The following NRDC variants were observed in gnomAD, a reference collection of about 807,000 sequenced individuals.
The protein encoded by NRDC is nardilysin.
A neutral mutation model predicts 147.1 loss-of-function variants in NRDC; 54 were observed. That is an observed-to-expected ratio of 0.37 (90% CI 0.29 to 0.46). The LOEUF is 0.46. Among genes scored for constraint, NRDC ranks in the 20% least tolerant of loss-of-function variants. The pLI is 1.00. For missense variants in NRDC, 1,082 were observed against 1,370.6 expected (o/e 0.79, Z 3.33); for synonymous variants, 440 against 482.1 (o/e 0.91, Z 1.14).
In NRDC at chr1:51,878,644, C is replaced by G; in HGVS notation, c.-29G>C. ...CCACCAAGCTGGAGCGATGGACATC[C>G]CGCTTCCCAGGACCCACCTCCTCCG... On this transcript the variant is annotated 5_prime_UTR_variant, in exon 1 of 31. Transcript: ENST00000352171. 6.3e-7 allele frequency: 1 copy of G among 1,578,672 alleles called. No homozygotes were observed. Among genetic ancestry groups the G allele is most frequent in the South Asian group, 1.1e-5 (1 of 87,660 alleles).
intron 4 of NRDC, among the ~76,000 whole-genome samples, chr1:51,829,872 G>A (rs750036083): frequency 6.6e-6 from 1 of 150,834 alleles, no homozygotes; most frequent in Non-Finnish European, 1.5e-5. Flanking sequence ...TCATAGTTCA[G>A]TTCAAGATGT....
chr1:51,792,648 G>T (rs910946015), intron 24 of NRDC, among the ~76,000 whole-genome samples: 1 of 152,158 alleles, frequency 6.6e-6, no homozygotes, highest in South Asian at 2.1e-4. Flanking sequence ...CACTAGCATA[G>T]AATTGCAGGT....
intron 4 of NRDC, among the ~76,000 whole-genome samples, chr1:51,831,582 C>CT (rs1232005769): frequency 0.022 from 3,152 of 143,042 alleles, 77 homozygotes; most frequent in African/African-American, 0.058. Context: ...ATTTATCTTT[C>CT]TTTTTTTTTT....
rs143108521 is a variant in NRDC, at chr1:51,810,833, T to G, written c.1780-429A>C. On this transcript the variant is annotated intron_variant, in intron 15 of 30. Coordinates refer to ENST00000352171, the MANE Select transcript of NRDC (RefSeq NM_001101662.2). ...TGATGGTTAAGTAATTTGCTCAGGT[T>G]AAAGATTATGTAACTTGTACAGAAT... Among the ~76,000 whole-genome samples the G allele has an allele frequency of 1.5e-3, 228 of 152,344 alleles. 6 individuals are homozygous for G. The East Asian group carries it at 0.034, about 23-fold the overall frequency.
intron 26 of NRDC, 48 bp downstream of exon 26, chr1:51,791,998 A>G: frequency 6.3e-7 from 1 of 1,596,966 alleles, no homozygotes; most frequent in African/African-American, 1.3e-5. Flanking sequence ...CCTGCAAAGT[A>G]AGCCCTAGGC....
intron 2 of NRDC, among the ~76,000 whole-genome samples, chr1:51,839,297 AACCACAGGCATGTGCC>A (rs754692131): frequency 1.5e-4 from 22 of 151,584 alleles, no homozygotes; most frequent in Non-Finnish European, 2.2e-4. Context: ...AAGTAGCTGG[AACCACAGGCATGTGCC>A]ACCACACCCA....
At chr1:51,852,840 T>C (rs889544651) in intron 1 of NRDC, among the ~76,000 whole-genome samples, 9 of 152,156 alleles carry the variant, frequency 5.9e-5, no homozygotes, top group Non-Finnish European at 2.9e-5. Flanking sequence ...AGGTAACCTA[T>C]AGATATATCA....
intron 1 of NRDC, among the ~76,000 whole-genome samples, chr1:51,852,861 C>G (rs1019241553): frequency 6.6e-6 from 1 of 152,050 alleles, no homozygotes; most frequent in Non-Finnish European, 1.5e-5. Flanking sequence ...TCTGACCCAG[C>G]TAATAGAACA....
chr1:51,846,601 G>A (rs547452795), intron 1 of NRDC, among the ~76,000 whole-genome samples: 2 of 152,208 alleles, frequency 1.3e-5, no homozygotes, highest in Non-Finnish European at 2.9e-5. Flanking sequence ...CTGCCTGTGG[G>A]TTCGTACTCT....
At chr1:51,859,153 G>A (rs1232781044) in intron 1 of NRDC, among the ~76,000 whole-genome samples, 1 of 152,168 alleles carries the variant, frequency 6.6e-6, no homozygotes, top group Non-Finnish European at 1.5e-5. Flanking sequence ...AATGAAACAG[G>A]TAATGGAAGA....
chr1:51,789,838 C>T, intron 29 of NRDC, 181 bp from the exon 30 acceptor site: 1 of 597,886 alleles, frequency 1.7e-6, no homozygotes, highest in South Asian at 2.0e-5. Context: ...GGCATGCCTT[C>T]ACATTTTATA....
intron 1 of NRDC, among the ~76,000 whole-genome samples, chr1:51,869,296 C>T (rs1179664849): frequency 1.3e-5 from 2 of 152,126 alleles, no homozygotes; most frequent in East Asian, 1.9e-4. Context: ...CTGTGATGAC[C>T]ACATAATACT....
At chr1:51,791,970 G>A (rs2149184168) in intron 26 of NRDC, 76 bp downstream of exon 26, 2 of 1,449,070 alleles carry the variant, frequency 1.4e-6, no homozygotes, top group Non-Finnish European at 1.9e-6. Context: ...CTGCTCAGTA[G>A]GGATATCTGA....
At chr1:51,876,224 C>G (rs1683319667) in intron 1 of NRDC, among the ~76,000 whole-genome samples, 1 of 152,044 alleles carries the variant, frequency 6.6e-6, no homozygotes, top group Non-Finnish European at 1.5e-5. Context: ...AACTAAGCAC[C>G]TTTTATCAAG....
At chr1:51,820,074 C>T (rs1389877331) in intron 8 of NRDC, among the ~76,000 whole-genome samples, 2 of 152,160 alleles carry the variant, frequency 1.3e-5, no homozygotes, top group African/African-American at 4.8e-5. Flanking sequence ...AGCCCAATAA[C>T]TCAAAAGTCT....
chr1:51,870,736 C>T (rs1293444208), intron 1 of NRDC, among the ~76,000 whole-genome samples: 2 of 151,934 alleles, frequency 1.3e-5, no homozygotes, highest in Non-Finnish European at 2.9e-5. Context: ...ATCCTGTCAC[C>T]TCACAACTAT....
chr1:51,853,908 G>C (rs1682110490), intron 1 of NRDC, among the ~76,000 whole-genome samples: 1 of 152,112 alleles, frequency 6.6e-6, no homozygotes, highest in Non-Finnish European at 1.5e-5. Context: ...CATGTTTTCT[G>C]GATTGCTAAA....
At chr1:51,852,550 G>GTTTAAACTATATAGT (rs1682019577) in intron 1 of NRDC, among the ~76,000 whole-genome samples, 3 of 3,860 alleles carry the variant, frequency 7.8e-4, no homozygotes, top group South Asian at 8.5e-3. Context: ...TATATATATA[G>GTTTAAACTATATAGT]TTTTAATAGT....
intron 1 of NRDC, among the ~76,000 whole-genome samples, chr1:51,855,237 CG>C (rs542994806): frequency 2.0e-4 from 31 of 152,102 alleles, no homozygotes; most frequent in Non-Finnish European, 3.8e-4. Context: ...TGCAAATCAT[CG>C]GGGAGGTCAG....
Sources: gnomAD v4.1 joint callset for allele counts (sites outside exome capture counted in the v4.1 genomes callset) on GRCh38, gnomAD v4.1.1 for gene constraint, MANE v1.5 for transcripts, NCBI Gene and HGNC (gene_info 2026-07-23, HGNC 2026-07-21) for gene names.